The following CABCOCO1 variants were observed in gnomAD, a reference collection of about 807,000 sequenced individuals.
CABCOCO1 encodes ciliary-associated calcium-binding coiled-coil protein 1.
In CABCOCO1, 28 loss-of-function variants were observed where a neutral mutation model predicts 35.7. That is an observed-to-expected ratio of 0.78 (90% CI 0.58 to 1.07). The LOEUF (loss-of-function observed/expected upper bound fraction) is 1.07. CABCOCO1 is among the 50% of genes least tolerant of loss of function. The pLI, the probability that CABCOCO1 is intolerant of heterozygous loss-of-function variation, is 0.00. For missense variants in CABCOCO1, 326 were observed against 309.2 expected (o/e 1.05, Z -0.41); for synonymous variants, 95 against 100.1 (o/e 0.95, Z 0.30).
At chr10:61,752,442 C>CTGGTAATAA (rs1201369465) in intron 5 of CABCOCO1, among the ~76,000 whole-genome samples, 1 of 151,290 alleles carries the variant, frequency 6.6e-6, no homozygotes, top group African/African-American at 2.4e-5. Context: ...AACATGTTTC[C>CTGGTAATAA]TGGTAATAAT....
intron 5 of CABCOCO1, among the ~76,000 whole-genome samples, chr10:61,718,112 A>G (rs1840911271): frequency 6.6e-6 from 1 of 152,164 alleles, no homozygotes; most frequent in Admixed American, 6.5e-5. Context: ...GTACTAACGG[A>G]ACCTTTACTG....
At chr10:61,683,690 A>G (rs1839869238) in intron 3 of CABCOCO1, among the ~76,000 whole-genome samples, 1 of 152,214 alleles carries the variant, frequency 6.6e-6, no homozygotes, top group Non-Finnish European at 1.5e-5. Flanking sequence ...CTAAGTTTTC[A>G]AGAATACATT....
At chr10:61,724,221 C>A (rs1841089740) in intron 5 of CABCOCO1, among the ~76,000 whole-genome samples, 1 of 152,138 alleles carries the variant, frequency 6.6e-6, no homozygotes, top group Non-Finnish European at 1.5e-5. Context: ...TGTACAAATT[C>A]AAGCCCTTTC....
At chr10:61,747,035 A>T (rs1841678208) in intron 5 of CABCOCO1, among the ~76,000 whole-genome samples, 1 of 152,164 alleles carries the variant, frequency 6.6e-6, no homozygotes, top group Admixed American at 6.6e-5. Context: ...AAGTTCAGAT[A>T]TATAACAGCA....
chr10:61,755,637 T>G (rs1211927923), intron 5 of CABCOCO1, among the ~76,000 whole-genome samples: 1 of 152,068 alleles, frequency 6.6e-6, no homozygotes, highest in African/African-American at 2.4e-5. Flanking sequence ...TAATCTCAAC[T>G]GCATATTTAA....
chr10:61,666,969 TA>T (rs988014254), intron 1 of CABCOCO1, among the ~76,000 whole-genome samples: 7 of 140,652 alleles, frequency 5.0e-5, no homozygotes, highest in Non-Finnish European at 3.1e-5. Context: ...TATAATTATA[TA>T]TTATATATAA....
chr10:61,730,533 C>T (rs914734611), intron 5 of CABCOCO1, among the ~76,000 whole-genome samples: 4 of 151,898 alleles, frequency 2.6e-5, no homozygotes, highest in African/African-American at 9.7e-5. Context: ...AGTAACCATC[C>T]CAATAATTGA....
At chr10:61,726,140 A>G (rs1371844130) in intron 5 of CABCOCO1, among the ~76,000 whole-genome samples, 1 of 152,196 alleles carries the variant, frequency 6.6e-6, no homozygotes, top group Non-Finnish European at 1.5e-5. Flanking sequence ...TTTAATTTCA[A>G]AGATTTGTTC....
At chr10:61,755,935 A>G in intron 5 of CABCOCO1, among the ~76,000 whole-genome samples, 1 of 152,034 alleles carries the variant, frequency 6.6e-6, no homozygotes. Context: ...TTTAGATCCA[A>G]ACTGACTCTG....
chr10:61,733,253 T>C (rs947781930), intron 5 of CABCOCO1, among the ~76,000 whole-genome samples: 2 of 152,016 alleles, frequency 1.3e-5, no homozygotes, highest in Admixed American at 6.6e-5. Context: ...TTAACCTATT[T>C]ATAGTTTATT....
chr10:61,675,023 C>G (rs750747383), intron 2 of CABCOCO1, among the ~76,000 whole-genome samples: 12 of 152,070 alleles, frequency 7.9e-5, no homozygotes, highest in Admixed American at 7.2e-4. Flanking sequence ...TTCTGCATGT[C>G]ATATTTAAGA....
chr10:61,722,785 A>G lies in CABCOCO1; in HGVS notation c.552+32164A>G, dbSNP rs546835109. ...CGTAAATTAGAAAGCAGCAATGGCC[A>G]TAGATCACCGCAGAGAAATGTGGTT... On this transcript the variant is annotated intron_variant, in intron 5 of 7. Coordinates refer to ENST00000648843, the MANE Select transcript of CABCOCO1 (RefSeq NM_001366906.2). Among the ~76,000 whole-genome samples the G allele has an allele frequency of 4.6e-5, 7 of 152,230 alleles. No homozygotes were observed. In the South Asian group the frequency reaches 1.0e-3, roughly 23 times the overall value.
intron 4 of CABCOCO1, among the ~76,000 whole-genome samples, chr10:61,689,216 T>C (rs1280084408): frequency 2.0e-5 from 3 of 152,184 alleles, no homozygotes; most frequent in Non-Finnish European, 4.4e-5. Flanking sequence ...TTAAAATCAG[T>C]TATTGCCAGT....
At chr10:61,677,476 C>T (rs924568198) in intron 2 of CABCOCO1, among the ~76,000 whole-genome samples, 3 of 152,002 alleles carry the variant, frequency 2.0e-5, no homozygotes, top group Non-Finnish European at 2.9e-5. Context: ...CCTTCTTTAC[C>T]GAATACTAAT....
chr10:61,762,565 T>A (rs748970123), intron 7 of CABCOCO1, among the ~76,000 whole-genome samples: 1 of 152,082 alleles, frequency 6.6e-6, no homozygotes, highest in Non-Finnish European at 1.5e-5. Context: ...AATAGCATGA[T>A]GATGTGGATT....
chr10:61,747,609 G>C (rs1430361561), intron 5 of CABCOCO1, among the ~76,000 whole-genome samples: 4 of 152,120 alleles, frequency 2.6e-5, no homozygotes, highest in African/African-American at 9.7e-5. Context: ...TTTAGCCCTG[G>C]TTTCTTGTTT....
At position 61,741,007 on chromosome 10, in the gene CABCOCO1, T is replaced by C. The variant is rs901210503; in HGVS notation, c.553-19052T>C. On this transcript the variant is annotated intron_variant, in intron 5 of 7. Coordinates refer to ENST00000648843, the MANE Select transcript of CABCOCO1 (RefSeq NM_001366906.2). ...ACTAAAAATACAAAAATTAGCTGAG[T>C]GTGGTGTGCACATGTAATCCCAGCT... is the stretch of plus-strand genomic sequence containing the variant. Among the ~76,000 whole-genome samples the C allele has an allele frequency of 2.6e-5, 4 of 151,592 alleles. No individual in the cohort carries two copies. In the South Asian group the frequency reaches 6.3e-4, roughly 24 times the overall value.
chr10:61,740,124 G>A (rs1841517370), intron 5 of CABCOCO1, among the ~76,000 whole-genome samples: 1 of 152,160 alleles, frequency 6.6e-6, no homozygotes, highest in South Asian at 2.1e-4. Flanking sequence ...GTGAATATAA[G>A]TTTAGTTTTA....
At chr10:61,736,664 C>A (rs1020077652) in intron 5 of CABCOCO1, among the ~76,000 whole-genome samples, 4 of 152,190 alleles carry the variant, frequency 2.6e-5, no homozygotes, top group Non-Finnish European at 5.9e-5. Flanking sequence ...ATAATTTTCT[C>A]TAGTTCTGTG....
Sources: gnomAD v4.1 joint callset for allele counts (sites outside exome capture counted in the v4.1 genomes callset) on GRCh38, gnomAD v4.1.1 for gene constraint, MANE v1.5 for transcripts, NCBI Gene and HGNC (gene_info 2026-07-23, HGNC 2026-07-21) for gene names.